AKAP19: variants seen among roughly 807,000 people sequenced by gnomAD.
AKAP19 encodes small A-kinase anchoring protein.
At chr2:190,034,243 A>C in the AKAP19 span, among the ~76,000 whole-genome samples, 44 of 152,144 alleles carry the variant, frequency 2.9e-4, 2 homozygotes, top group East Asian at 4.4e-3. Flanking sequence ...GTTTTTTCAC[A>C]TGCTTAGATG....
the AKAP19 span, chr2:189,924,320 A>T: frequency 3.1e-6 from 3 of 961,022 alleles, no homozygotes; most frequent in African/African-American, 1.6e-5. Flanking sequence ...TCTTCAGCAC[A>T]TGCTCACTGT....
At chr2:190,196,996 T>G in the AKAP19 span, among the ~76,000 whole-genome samples, 2 of 152,154 alleles carry the variant, frequency 1.3e-5, no homozygotes, top group Admixed American at 1.3e-4. Flanking sequence ...TGAGCATATA[T>G]GGTGTCTTGT....
the AKAP19 span, among the ~76,000 whole-genome samples, chr2:190,006,587 C>T: frequency 2.7e-4 from 40 of 147,396 alleles, no homozygotes; most frequent in East Asian, 7.2e-3. Context: ...TGCAGTGAGC[C>T]GAGATCATGC....
the AKAP19 span, among the ~76,000 whole-genome samples, chr2:190,065,796 A>G: frequency 6.6e-6 from 1 of 152,176 alleles, no homozygotes; most frequent in Non-Finnish European, 1.5e-5. Context: ...GACTATATCT[A>G]ATCAACTTCT....
At chr2:189,949,385 C>G in the AKAP19 span, among the ~76,000 whole-genome samples, 1 of 152,048 alleles carries the variant, frequency 6.6e-6, no homozygotes, top group East Asian at 1.9e-4. Flanking sequence ...AACCTCATCT[C>G]TATTAGCCAG....
chr2:189,927,472 C>G, the AKAP19 span, among the ~76,000 whole-genome samples: 2 of 152,106 alleles, frequency 1.3e-5, no homozygotes. Flanking sequence ...TGCAGCTATT[C>G]TTTTCTTTTT....
At chr2:190,182,591 A>C in the AKAP19 span, among the ~76,000 whole-genome samples, 5,134 of 152,294 alleles carry the variant, frequency 0.034, 166 homozygotes, top group East Asian at 0.12. Context: ...AATAAATACT[A>C]GTTTTTATGT....
At chr2:190,094,496 A>G in the AKAP19 span, among the ~76,000 whole-genome samples, 2 of 152,228 alleles carry the variant, frequency 1.3e-5, no homozygotes, top group South Asian at 4.1e-4. Context: ...TACTCTTTCC[A>G]TGCAGCTTAG....
the AKAP19 span, among the ~76,000 whole-genome samples, chr2:190,076,099 T>C: frequency 0.16 from 24,029 of 152,186 alleles, 5,304 homozygotes; most frequent in African/African-American, 0.49. Flanking sequence ...TGTTGTTATT[T>C]TTGCCTTAAA....
chr2:189,943,541 C>G, the AKAP19 span, among the ~76,000 whole-genome samples: 1 of 152,196 alleles, frequency 6.6e-6, no homozygotes, highest in East Asian at 1.9e-4. Context: ...GGTTGGAGCC[C>G]CCACACAGAG....
the AKAP19 span, among the ~76,000 whole-genome samples, chr2:190,115,611 G>T: frequency 8.6e-5 from 13 of 151,844 alleles, no homozygotes; most frequent in South Asian, 2.1e-4. Context: ...GAGCCACCGC[G>T]CCCGGCCAAG....
chr2:189,953,427 G>C, the AKAP19 span, among the ~76,000 whole-genome samples: 6 of 152,126 alleles, frequency 3.9e-5, no homozygotes, highest in Admixed American at 2.6e-4. Flanking sequence ...CCTAGGTCAG[G>C]AGTTTGAGAC....
At chr2:190,041,510 T>C in the AKAP19 span, among the ~76,000 whole-genome samples, 1 of 152,214 alleles carries the variant, frequency 6.6e-6, no homozygotes, top group Non-Finnish European at 1.5e-5. Flanking sequence ...ACTCTTTGTT[T>C]CTTTCTCTTG....
chr2:190,190,001 T>C, the AKAP19 span: 1 of 152,214 alleles, frequency 6.6e-6, no homozygotes, highest in Non-Finnish European at 1.5e-5. Flanking sequence ...AGGCGGTCTT[T>C]TTCAGATAAA....
the AKAP19 span, among the ~76,000 whole-genome samples, chr2:190,179,454 A>G: frequency 3.9e-5 from 6 of 152,268 alleles, no homozygotes; most frequent in African/African-American, 1.2e-4. This position sits in a 1 kb window ranked among gnomAD's most constrained non-coding sequence, Gnocchi z 6.0. Flanking sequence ...ATCAATTAAT[A>G]TAGGTATACT....
chr2:189,923,129 C>T, the AKAP19 span, among the ~76,000 whole-genome samples: 3 of 151,990 alleles, frequency 2.0e-5, no homozygotes, highest in South Asian at 6.2e-4. Flanking sequence ...CCAGCCTGGG[C>T]GACAGAGTGA....
the AKAP19 span, among the ~76,000 whole-genome samples, chr2:190,026,254 G>A: frequency 6.6e-6 from 1 of 152,092 alleles, no homozygotes; most frequent in Non-Finnish European, 1.5e-5. Flanking sequence ...CTGCCCCCCA[G>A]CTTTATGTGA....
chr2:189,896,338 T>G, the AKAP19 span, among the ~76,000 whole-genome samples: 1 of 152,204 alleles, frequency 6.6e-6, no homozygotes, highest in South Asian at 2.1e-4. Flanking sequence ...AATTTAATTT[T>G]ATCTTGATTT....
the AKAP19 span, among the ~76,000 whole-genome samples, chr2:189,957,989 T>A: frequency 1.3e-5 from 2 of 152,148 alleles, no homozygotes; most frequent in Non-Finnish European, 2.9e-5. Flanking sequence ...AGACGGGGTT[T>A]CACCATGTTG....
Sources: gnomAD v4.1 joint callset for allele counts (sites outside exome capture counted in the v4.1 genomes callset) on GRCh38, gnomAD v4.1.1 for gene constraint, Gnocchi (gnomAD v3.1) non-coding constraint, MANE v1.5 for transcripts, NCBI Gene and HGNC (gene_info 2026-07-23, HGNC 2026-07-21) for gene names.